RPSA2: variants seen among roughly 807,000 people sequenced by gnomAD.
RPSA2 encodes the protein small ribosomal subunit protein uS2B.
chr19:23,855,062 A>G, the RPSA2 span, among the ~76,000 whole-genome samples: 11 of 152,208 alleles, frequency 7.2e-5, no homozygotes, highest in Non-Finnish European at 1.5e-4. Context: ...AACAGTAGTA[A>G]AAGAAACAGG....
the RPSA2 span, among the ~76,000 whole-genome samples, chr19:23,850,918 G>A: frequency 6.2e-4 from 95 of 152,254 alleles, 1 homozygote; most frequent in South Asian, 0.015. Flanking sequence ...TGATTGGCCC[G>A]TTCCACAACA....
the RPSA2 span, among the ~76,000 whole-genome samples, chr19:23,780,565 C>T: frequency 6.6e-6 from 1 of 152,114 alleles, no homozygotes; most frequent in Non-Finnish European, 1.5e-5. Flanking sequence ...ATGGCATGAA[C>T]CTGGGGGATG....
chr19:23,793,655 G>A, the RPSA2 span, among the ~76,000 whole-genome samples: 4 of 151,670 alleles, frequency 2.6e-5, no homozygotes, highest in East Asian at 1.9e-4. Flanking sequence ...TTCCTCCTCC[G>A]GAGCTCAGGT....
At chr19:23,762,584 G>GA in the RPSA2 span, among the ~76,000 whole-genome samples, 1 of 146,188 alleles carries the variant, frequency 6.8e-6, no homozygotes, top group Non-Finnish European at 1.5e-5. Flanking sequence ...GCTGAGGCAA[G>GA]AAAATCATTT....
chr19:23,777,014 GTACT>G, the RPSA2 span, among the ~76,000 whole-genome samples: 1 of 152,150 alleles, frequency 6.6e-6, no homozygotes. Flanking sequence ...GCATGGCCCA[GTACT>G]TACTTGATGT....
chr19:23,770,601 C>A, the RPSA2 span, among the ~76,000 whole-genome samples: 1 of 152,146 alleles, frequency 6.6e-6, no homozygotes, highest in African/African-American at 2.4e-5. Context: ...ATTTAACCCC[C>A]CTTTTCTGCC....
the RPSA2 span, among the ~76,000 whole-genome samples, chr19:23,849,845 G>A: frequency 2.6e-5 from 4 of 152,142 alleles, no homozygotes; most frequent in East Asian, 3.9e-4. Flanking sequence ...TTTCAGATGG[G>A]CCCTCAACAT....
At chr19:23,869,187 T>TCCGG in the RPSA2 span, among the ~76,000 whole-genome samples, 1 of 152,168 alleles carries the variant, frequency 6.6e-6, no homozygotes, top group Non-Finnish European at 1.5e-5. Flanking sequence ...GACCCCTATG[T>TCCGG]CTGGCTCCCC....
the RPSA2 span, among the ~76,000 whole-genome samples, chr19:23,865,704 C>A: frequency 6.6e-6 from 1 of 152,156 alleles, no homozygotes; most frequent in East Asian, 1.9e-4. Context: ...CCCCACACAA[C>A]AAATTTTGCA....
chr19:23,863,147 A>G, the RPSA2 span, among the ~76,000 whole-genome samples: 2 of 152,310 alleles, frequency 1.3e-5, no homozygotes, highest in East Asian at 3.9e-4. Flanking sequence ...AGAAATAGAA[A>G]CACTTAACCC....
the RPSA2 span, among the ~76,000 whole-genome samples, chr19:23,761,931 T>TCTCTCTCTC: frequency 3.2e-5 from 2 of 61,714 alleles, no homozygotes; most frequent in African/African-American, 1.5e-4. Flanking sequence ...TTTTTTTTTT[T>TCTCTCTCTC]TTTTGAGATG....
the RPSA2 span, among the ~76,000 whole-genome samples, chr19:23,844,642 C>A: frequency 6.6e-6 from 1 of 151,694 alleles, no homozygotes; most frequent in Non-Finnish European, 1.5e-5. Flanking sequence ...GCCTATTTAC[C>A]CTGTTATTTT....
At chr19:23,761,932 T>TCCTTCCTTCCTTCCTTCCTTCC in the RPSA2 span, among the ~76,000 whole-genome samples, 6 of 53,064 alleles carry the variant, frequency 1.1e-4, no homozygotes, top group African/African-American at 2.9e-4. Context: ...TTTTTTTTTT[T>TCCTTCCTTCCTTCCTTCCTTCC]TTTGAGATGG....
chr19:23,833,159 A>G, the RPSA2 span: 3 of 1,197,766 alleles, frequency 2.5e-6, no homozygotes, highest in South Asian at 1.7e-5. Context: ...GAATGTGCCA[A>G]TGCCTTTTCC....
chr19:23,772,604 T>C, the RPSA2 span, among the ~76,000 whole-genome samples: 1 of 152,150 alleles, frequency 6.6e-6, no homozygotes, highest in Non-Finnish European at 1.5e-5. Context: ...TATAATGCCC[T>C]TGAGTGTTAC....
the RPSA2 span, among the ~76,000 whole-genome samples, chr19:23,850,888 A>G: frequency 6.6e-6 from 1 of 152,138 alleles, no homozygotes; most frequent in Non-Finnish European, 1.5e-5. Context: ...GACTGTTTGG[A>G]CAATTGAGTT....
At chr19:23,839,381 C>T in the RPSA2 span, among the ~76,000 whole-genome samples, 5 of 151,980 alleles carry the variant, frequency 3.3e-5, no homozygotes, top group South Asian at 2.1e-4. Context: ...GTGTCAGGGA[C>T]GTGGGGGAAA....
At chr19:23,807,069 C>G in the RPSA2 span, among the ~76,000 whole-genome samples, 1 of 152,140 alleles carries the variant, frequency 6.6e-6, no homozygotes, top group Non-Finnish European at 1.5e-5. Context: ...TTAATAAACT[C>G]TCTTACAGAT....
At chr19:23,779,787 C>G in the RPSA2 span, among the ~76,000 whole-genome samples, 1 of 152,150 alleles carries the variant, frequency 6.6e-6, no homozygotes, top group African/African-American at 2.4e-5. Context: ...CTATCTGCAC[C>G]CTGCCCACAG....
Sources: allele counts gnomAD v4.1 joint callset (sites outside exome capture counted in the v4.1 genomes callset), GRCh38; gene constraint gnomAD v4.1.1; transcripts MANE v1.5; gene names NCBI Gene and HGNC (gene_info 2026-07-23, HGNC 2026-07-21).